AK7: variants seen among roughly 807,000 people sequenced by gnomAD.
AK7 encodes the protein adenylate kinase 7, also known as ATP-AMP transphosphorylase 7.
Under a neutral mutation model 96.6 loss-of-function variants are expected in AK7, and 78 were observed. The ratio of observed to expected loss-of-function variants is 0.81; its 90% CI spans 0.67 to 0.97. The LOEUF is 0.97. Among genes scored for constraint, AK7 ranks in the 50% least tolerant of loss-of-function variants. The pLI is 0.00. For synonymous variants in AK7, 302 were observed against 317.2 expected, an observed-to-expected ratio of 0.95 and a Z score of 0.51; for missense variants, 855 against 887.9, an observed-to-expected ratio of 0.96 and a Z score of 0.47.
At chr14:96,439,440 G>A (rs527273435) in intron 6 of AK7, among the ~76,000 whole-genome samples, 2 of 152,090 alleles carry the variant, frequency 1.3e-5, no homozygotes, top group Non-Finnish European at 2.9e-5. Context: ...CAAGGCAGGC[G>A]GATCACAAGG....
At position 96,408,678 on chromosome 14, in the gene AK7, G is replaced by A. The variant is rs532248069; in HGVS notation, c.404-169G>A. 3.4e-4 allele frequency among the ~76,000 whole-genome samples: 52 copies of A among 152,356 alleles called. No individual in the cohort carries two copies. In the South Asian group the frequency reaches 0.01, roughly 30 times the overall value. ...GATCCGTATTTCGGATACAGGTAGC[G>A]AGAAAGCAGGGGGAATTTGAAGAAC... is the stretch of plus-strand genomic sequence containing the variant. On this transcript the variant is annotated intron_variant, in intron 3 of 17. Coordinates refer to ENST00000267584, the MANE Select transcript of AK7 (RefSeq NM_152327.5).
chr14:96,478,807 A>G (rs533937432), intron 15 of AK7, 145 bp downstream of exon 15: 1 of 755,774 alleles, frequency 1.3e-6, no homozygotes, highest in African/African-American at 1.7e-5. Context: ...TACACAGGGC[A>G]CTCCTCCTGG....
intron 16 of AK7, among the ~76,000 whole-genome samples, chr14:96,485,305 C>T (rs905555849): frequency 3.9e-5 from 6 of 152,110 alleles, no homozygotes; most frequent in African/African-American, 1.4e-4. Flanking sequence ...GGCTGTGTGA[C>T]TTTTTCTTAT....
chr14:96,410,100 G>T (rs1566764623), intron 4 of AK7, among the ~76,000 whole-genome samples: 1 of 152,168 alleles, frequency 6.6e-6, no homozygotes, highest in Non-Finnish European at 1.5e-5. Context: ...GATATTTAGG[G>T]ATTCATCACA....
chr14:96,486,750 T>C (rs1347557277), intron 16 of AK7, 148 bp from the exon 17 acceptor site: 3 of 642,522 alleles, frequency 4.7e-6, no homozygotes, highest in East Asian at 5.7e-5. Flanking sequence ...ACACCATTTA[T>C]GTCTTTTCTC....
At chr14:96,463,891 G>A (rs1252380582) in intron 12 of AK7, among the ~76,000 whole-genome samples, 2 of 152,082 alleles carry the variant, frequency 1.3e-5, no homozygotes, top group Non-Finnish European at 2.9e-5. Flanking sequence ...TAACAGGGAA[G>A]GGTGGGGTCA....
At position 96,404,461 on chromosome 14, in the gene AK7, T is replaced by C. The variant is rs531433662; in HGVS notation, c.295-296T>C. ...ATGCCTCACTCATTTTCTTTCAGTG[T>C]GTTCTAATTCTTCCCTTCTGAATTG... On this transcript the variant is annotated intron_variant, in intron 2 of 17. Transcript: ENST00000267584. Among the ~76,000 whole-genome samples the C allele has an allele frequency of 9.8e-5, 15 of 152,352 alleles. No homozygotes were observed. In the East Asian group the frequency reaches 2.5e-3, roughly 25 times the overall value.
intron 12 of AK7, among the ~76,000 whole-genome samples, chr14:96,466,668 G>A (rs528965625): frequency 2.0e-5 from 3 of 152,182 alleles, no homozygotes; most frequent in East Asian, 3.9e-4. Flanking sequence ...CACCTGGCCC[G>A]TTCCTGGAGT....
At chr14:96,425,530 T>G (rs1891979518) in intron 5 of AK7, among the ~76,000 whole-genome samples, 2 of 138,612 alleles carry the variant, frequency 1.4e-5, no homozygotes, top group Admixed American at 8.0e-5. Flanking sequence ...TTGCGTAGGC[T>G]GGAGTGCAGT....
Position 96,460,513 on chromosome 14 carries a change from C to T in AK7, c.1357+2301C>T, listed in dbSNP as rs567776631. ...GGCATGCTTGCTGCTCCTTTGTCAT[C>T]TCTCAGGGGCTCTTGAGATTCTCCT... On this transcript the variant is annotated intron_variant, in intron 12 of 17. Coordinates refer to ENST00000267584, the MANE Select transcript of AK7 (RefSeq NM_152327.5). Among the ~76,000 whole-genome samples, 45 of 152,126 alleles carry T rather than the reference C, an allele frequency of 3.0e-4. 1 individual carries two copies. Among genetic ancestry groups the T allele is most frequent in the Non-Finnish European group, 5.4e-4 (37 of 68,036 alleles).
At position 96,488,360 on chromosome 14, in the gene AK7, T is replaced by C. The variant is rs746337060; in HGVS notation, c.*17T>C. 1.4e-5 allele frequency: 23 copies of C among 1,608,504 alleles called. No homozygotes were observed. In the Admixed American group the frequency reaches 2.8e-4, roughly 20 times the overall value. On this transcript the variant is annotated 3_prime_UTR_variant, in exon 18 of 18. Coordinates refer to ENST00000267584, the MANE Select transcript of AK7 (RefSeq NM_152327.5). Reference sequence around the variant, plus strand: ...GCACAGTGAAACTTGAAAGATCTGGTATTATCTACCTTTACAGAACCACAG... The same window carrying C: ...GCACAGTGAAACTTGAAAGATCTGGCATTATCTACCTTTACAGAACCACAG...
At chr14:96,416,706 A>T (rs8019115) in intron 4 of AK7, among the ~76,000 whole-genome samples, 31,210 of 152,104 alleles carry the variant, frequency 0.21, 3,478 homozygotes, top group East Asian at 0.5. Context: ...ACTAAAACCC[A>T]TATTAAAGGT....
At chr14:96,454,600 T>G (rs1893788098) in intron 10 of AK7, among the ~76,000 whole-genome samples, 1 of 152,090 alleles carries the variant, frequency 6.6e-6, no homozygotes, top group African/African-American at 2.4e-5. Context: ...TGCCTCAGCC[T>G]GGGCCACCAA....
At chr14:96,446,800 C>T (rs1447248090) in intron 8 of AK7, among the ~76,000 whole-genome samples, 193 bp downstream of exon 8, 1 of 151,994 alleles carries the variant, frequency 6.6e-6, no homozygotes, top group East Asian at 1.9e-4. Context: ...ATTAGCCGGG[C>T]ATAATGGCGG....
chr14:96,447,374 G>T (rs1893303889), intron 8 of AK7, among the ~76,000 whole-genome samples: 1 of 152,176 alleles, frequency 6.6e-6, no homozygotes, highest in African/African-American at 2.4e-5. Context: ...GAGTGCCGTG[G>T]TGTGATCATA....
intron 14 of AK7, among the ~76,000 whole-genome samples, chr14:96,473,140 G>T (rs1894989713): frequency 6.6e-6 from 1 of 151,658 alleles, no homozygotes; most frequent in Admixed American, 6.6e-5. Context: ...CCGGTAACTG[G>T]GACTACAGGT....
At chr14:96,460,308 G>C (rs1894183011) in intron 12 of AK7, among the ~76,000 whole-genome samples, 1 of 152,140 alleles carries the variant, frequency 6.6e-6, no homozygotes, top group South Asian at 2.1e-4. Flanking sequence ...ATCGCCTTCG[G>C]ACTCATCTAA....
At chr14:96,464,481 C>T (rs1022081906) in intron 12 of AK7, among the ~76,000 whole-genome samples, 24 of 124,720 alleles carry the variant, frequency 1.9e-4, no homozygotes, top group Admixed American at 1.6e-3. Flanking sequence ...CCCTTGAGTC[C>T]GGGAGGTCAA....
chr14:96,420,982 C>A (rs1387085800), intron 5 of AK7, 50 bp downstream of exon 5: 1 of 1,307,354 alleles, frequency 7.6e-7, no homozygotes, highest in Admixed American at 1.8e-5. Context: ...CTTTAAACAT[C>A]TCTTTGTGTG....
Sources: gnomAD v4.1 joint callset for allele counts (sites outside exome capture counted in the v4.1 genomes callset) on GRCh38, gnomAD v4.1.1 for gene constraint, MANE v1.5 for transcripts, NCBI Gene and HGNC (gene_info 2026-07-23, HGNC 2026-07-21) for gene names.